The following NRXN3 variants were observed in gnomAD, a reference collection of about 807,000 sequenced individuals.
NRXN3 encodes the protein neurexin III.
In NRXN3, 32 loss-of-function variants were observed where a neutral mutation model predicts 137.6. The ratio of observed to expected loss-of-function variants is 0.23; its 90% CI spans 0.18 to 0.31. The LOEUF (loss-of-function observed/expected upper bound fraction) is 0.31. Among genes scored for constraint, NRXN3 ranks in the 10% least tolerant of loss-of-function variants. The pLI is 1.00. For missense variants in NRXN3, 1,574 were observed against 2,062.5 expected (o/e 0.76, Z 4.59); for synonymous variants, 798 against 784.5 (o/e 1.02, Z -0.29).
intron 10 of NRXN3, among the ~76,000 whole-genome samples, chr14:78,831,644 T>A (rs1335461022): frequency 3.9e-5 from 6 of 151,932 alleles, no homozygotes; most frequent in Admixed American, 2.0e-4. Context: ...GTTGCTCCAT[T>A]TCCTGAAAAG....
At chr14:78,711,375 G>A (rs999932792) in intron 7 of NRXN3, among the ~76,000 whole-genome samples, 1 of 148,204 alleles carries the variant, frequency 6.7e-6, no homozygotes, top group Non-Finnish European at 1.5e-5. Context: ...AAATATGTTT[G>A]AATTTCAGAA....
chr14:79,334,596 A>G (rs1301292611), intron 15 of NRXN3, among the ~76,000 whole-genome samples: 1 of 152,210 alleles, frequency 6.6e-6, no homozygotes, highest in Non-Finnish European at 1.5e-5. Flanking sequence ...TGGGCTTTGA[A>G]TTTAATATAA....
At chr14:78,710,462 T>C (rs2098397336) in intron 7 of NRXN3, among the ~76,000 whole-genome samples, 2 of 152,194 alleles carry the variant, frequency 1.3e-5, no homozygotes, top group Admixed American at 6.5e-5. Context: ...GAAGGTCACA[T>C]TCTGTGCTAT....
intron 15 of NRXN3, among the ~76,000 whole-genome samples, chr14:79,151,520 C>T (rs1183847808): frequency 6.6e-6 from 1 of 152,040 alleles, no homozygotes; most frequent in Non-Finnish European, 1.5e-5. Context: ...TGGAGTTGTT[C>T]CATGATCCAC....
chr14:79,821,626 A>C (rs1400306637), intron 20 of NRXN3, among the ~76,000 whole-genome samples: 2 of 150,950 alleles, frequency 1.3e-5, no homozygotes, highest in Admixed American at 6.6e-5. Flanking sequence ...GACATTATCA[A>C]ATTAAACAGC....
At chr14:79,166,106 AT>A (rs563746086) in intron 15 of NRXN3, among the ~76,000 whole-genome samples, 1 of 151,926 alleles carries the variant, frequency 6.6e-6, no homozygotes, top group East Asian at 1.9e-4. Context: ...TTTAGAAATT[AT>A]TTTTTTGATG....
At chr14:79,148,886 G>A (rs1226585897) in intron 15 of NRXN3, among the ~76,000 whole-genome samples, 4 of 151,080 alleles carry the variant, frequency 2.6e-5, no homozygotes, top group African/African-American at 9.7e-5. Flanking sequence ...ATTCTTTTTT[G>A]TGGAAAGCCC....
intron 1 of NRXN3, among the ~76,000 whole-genome samples, chr14:78,237,028 T>C (rs1311103250): frequency 6.6e-6 from 1 of 152,176 alleles, no homozygotes; most frequent in East Asian, 1.9e-4. Context: ...TTTCTGAGGT[T>C]CTTGTATAAG....
intron 16 of NRXN3, among the ~76,000 whole-genome samples, chr14:79,609,362 G>A (rs754735803): frequency 7.9e-5 from 12 of 152,196 alleles, no homozygotes; most frequent in Non-Finnish European, 1.5e-4. Context: ...CAGGGCATGA[G>A]ATTAGAACCC....
intron 15 of NRXN3, among the ~76,000 whole-genome samples, chr14:79,435,593 TACACACACACAC>T (rs35554281): frequency 6.3e-4 from 91 of 143,922 alleles, no homozygotes; most frequent in African/African-American, 8.5e-4. Flanking sequence ...AACACTAAGA[TACACACACACAC>T]ACACACACAC....
intron 20 of NRXN3, among the ~76,000 whole-genome samples, chr14:79,844,641 G>T (rs1447881887): frequency 6.6e-6 from 1 of 152,010 alleles, no homozygotes; most frequent in Non-Finnish European, 1.5e-5. Flanking sequence ...CTCAACAATG[G>T]ACTTAAAATA....
intron 15 of NRXN3, among the ~76,000 whole-genome samples, chr14:79,281,263 C>T (rs972290784): frequency 6.6e-6 from 1 of 152,018 alleles, no homozygotes; most frequent in Admixed American, 6.5e-5. Flanking sequence ...TTGGATTCCC[C>T]GTGTATGCAA....
At chr14:79,623,522 A>G (rs758960702) in intron 16 of NRXN3, among the ~76,000 whole-genome samples, 7 of 152,212 alleles carry the variant, frequency 4.6e-5, no homozygotes, top group Non-Finnish European at 8.8e-5. Flanking sequence ...ACTACATGCA[A>G]TTGAATATGA....
chr14:78,918,285 C>CAAAAAA lies in NRXN3; in HGVS notation c.2276-38940_2276-38935dup, dbSNP rs71454807. Among the ~76,000 whole-genome samples, 150 of 34,534 alleles carry CAAAAAA rather than the reference C, an allele frequency of 4.3e-3. 2 individuals carry two copies. Among genetic ancestry groups the CAAAAAA allele is most frequent in the African/African-American group, 0.016 (126 of 7,824 alleles). 22.7% of individuals were successfully genotyped at this position (34,534 alleles called of 152,430 possible). ...GGGCAACAAGAGCGAAACTCCATCT[C>CAAAAAA]AAAAAAAAAAAAAAAAAAAAAAGAG... On this transcript the variant is annotated intron_variant, in intron 10 of 20. Transcript: ENST00000335750.
At chr14:78,287,703 C>T (rs1239231563) in intron 3 of NRXN3, among the ~76,000 whole-genome samples, 1 of 152,170 alleles carries the variant, frequency 6.6e-6, no homozygotes, top group African/African-American at 2.4e-5. Context: ...GGCTTCCAGC[C>T]CTTGGAGACA....
At chr14:78,300,648 T>C (rs1567202484) in intron 4 of NRXN3, 1 of 1,525,474 alleles carries the variant, frequency 6.6e-7, no homozygotes, top group Non-Finnish European at 8.8e-7. Context: ...ACACCATGCT[T>C]CCTCTACTTA....
At chr14:79,376,905 T>G (rs2153447195) in intron 15 of NRXN3, among the ~76,000 whole-genome samples, 1 of 152,356 alleles carries the variant, frequency 6.6e-6, no homozygotes, top group Non-Finnish European at 1.5e-5. Flanking sequence ...ATGTTGCTTT[T>G]GTGGATTAGA....
At chr14:79,366,467 A>G (rs923208683) in intron 15 of NRXN3, among the ~76,000 whole-genome samples, 13 of 152,054 alleles carry the variant, frequency 8.5e-5, no homozygotes, top group African/African-American at 1.4e-4. Flanking sequence ...TCTCTCCCCA[A>G]TACCCTTCCC....
chr14:79,402,779 T>C (rs972224113), intron 15 of NRXN3, among the ~76,000 whole-genome samples: 1 of 152,170 alleles, frequency 6.6e-6, no homozygotes, highest in Non-Finnish European at 1.5e-5. Context: ...ACAAAACAAT[T>C]GTATGTTGAA....
Sources: allele counts gnomAD v4.1 joint callset (sites outside exome capture counted in the v4.1 genomes callset), GRCh38; gene constraint gnomAD v4.1.1; transcripts MANE v1.5; gene names NCBI Gene and HGNC (gene_info 2026-07-23, HGNC 2026-07-21).